Variants in TBL1XR1 observed in about 807,000 individuals in gnomAD.
TBL1XR1 encodes the protein F-box-like/WD repeat-containing protein TBL1XR1.
Under a neutral mutation model 66.9 loss-of-function variants are expected in TBL1XR1, and 5 were observed. That is an observed-to-expected ratio of 0.07 (90% CI 0.04 to 0.16). The LOEUF (loss-of-function observed/expected upper bound fraction) is 0.16. TBL1XR1 is among the 10% of genes least tolerant of loss of function. TBL1XR1 has a pLI of 1.00. For missense variants in TBL1XR1, 238 were observed against 623.2 expected, an observed-to-expected ratio of 0.38 and a Z score of 6.58; for synonymous variants, 210 against 206.0, an observed-to-expected ratio of 1.02 and a Z score of -0.17.
intron 10 of TBL1XR1, among the ~76,000 whole-genome samples, chr3:177,045,650 G>C (rs1247465468): frequency 6.6e-6 from 1 of 151,976 alleles, no homozygotes; most frequent in Non-Finnish European, 1.5e-5. Flanking sequence ...TCCAAAATGA[G>C]AAAATGACAA....
chr3:177,096,085 T>A (rs993504416), intron 2 of TBL1XR1, among the ~76,000 whole-genome samples: 2 of 152,120 alleles, frequency 1.3e-5, no homozygotes, highest in African/African-American at 4.8e-5. Flanking sequence ...CTGTATATAA[T>A]CCCACTAAGC....
chr3:177,063,157 A>G (rs1385785561), intron 3 of TBL1XR1, among the ~76,000 whole-genome samples: 1 of 152,150 alleles, frequency 6.6e-6, no homozygotes, highest in African/African-American at 2.4e-5. Context: ...TTTTGATAAT[A>G]TTTAATCTAC....
At chr3:177,095,258 G>A (rs1224865831) in intron 2 of TBL1XR1, among the ~76,000 whole-genome samples, 1 of 151,992 alleles carries the variant, frequency 6.6e-6, no homozygotes, top group African/African-American at 2.4e-5. Flanking sequence ...GAGGGCGGGT[G>A]CTGTTTAATG....
At chr3:177,110,883 AAT>A in intron 1 of TBL1XR1, 1 of 152,188 alleles carries the variant, frequency 6.6e-6, no homozygotes, top group Non-Finnish European at 1.5e-5. Flanking sequence ...AGAAGAGGAA[AAT>A]ATCTTTCAAA....
At chr3:177,112,088 T>TATATATATATAC (rs1725656379) in intron 1 of TBL1XR1, among the ~76,000 whole-genome samples, 1 of 51,394 alleles carries the variant, frequency 1.9e-5, no homozygotes, top group African/African-American at 1.4e-4. Context: ...TATATATATA[T>TATATATATATAC]ATATATATAT....
chr3:177,172,698 G>A (rs903082874), intron 1 of TBL1XR1, among the ~76,000 whole-genome samples: 1 of 138,210 alleles, frequency 7.2e-6, no homozygotes, highest in African/African-American at 2.6e-5. Flanking sequence ...GGGAGGGGAG[G>A]AGAGGGAAGA....
At chr3:177,100,456 C>A (rs930410959) in intron 1 of TBL1XR1, among the ~76,000 whole-genome samples, 4 of 151,750 alleles carry the variant, frequency 2.6e-5, no homozygotes, top group African/African-American at 9.7e-5. Context: ...CGGAGTCTCA[C>A]TCTGTCACCC....
At chr3:177,026,771 C>G (rs1179209358) in intron 14 of TBL1XR1, 1 of 265,056 alleles carries the variant, frequency 3.8e-6, no homozygotes, top group East Asian at 7.8e-5. Context: ...TAGAAGTAAA[C>G]AGTCAGTCTA....
intron 1 of TBL1XR1, among the ~76,000 whole-genome samples, chr3:177,137,961 C>T (rs1028921339): frequency 1.3e-5 from 2 of 152,146 alleles, no homozygotes; most frequent in African/African-American, 4.8e-5. Context: ...CAGAGCAAGA[C>T]CCTGTCTCAA....
intron 1 of TBL1XR1, among the ~76,000 whole-genome samples, chr3:177,190,351 T>C (rs1420766071): frequency 1.3e-5 from 2 of 152,102 alleles, no homozygotes; most frequent in Non-Finnish European, 2.9e-5. Flanking sequence ...TTGATGCTCT[T>C]GTTGACCAGG....
chr3:177,128,079 C>T (rs753893845), intron 1 of TBL1XR1, among the ~76,000 whole-genome samples: 2 of 151,864 alleles, frequency 1.3e-5, no homozygotes, highest in Non-Finnish European at 2.9e-5. Context: ...ATTAGTTGGG[C>T]GTGGTGGTGC....
At chr3:177,196,081 C>G (rs1158496572) in intron 1 of TBL1XR1, among the ~76,000 whole-genome samples, 4 of 152,244 alleles carry the variant, frequency 2.6e-5, no homozygotes, top group African/African-American at 9.6e-5. Context: ...ATTTTCACAA[C>G]CTAAATTTAA....
chr3:177,080,170 A>G (rs1348729213), intron 2 of TBL1XR1, among the ~76,000 whole-genome samples: 1 of 152,250 alleles, frequency 6.6e-6, no homozygotes, highest in Non-Finnish European at 1.5e-5. Context: ...ACAAAATTTT[A>G]AATTGCAAAA....
intron 1 of TBL1XR1, among the ~76,000 whole-genome samples, chr3:177,189,663 A>AAAAAAAAAAAAAAAAAAAAAAAAAAAG (rs1560282454): frequency 2.0e-5 from 1 of 49,440 alleles, no homozygotes; most frequent in Admixed American, 1.7e-4. Flanking sequence ...AAAAAAAAAA[A>AAAAAAAAAAAAAAAAAAAAAAAAAAAG]AAGAAGGATG....
chr3:177,147,820 A>C (rs1730432953), intron 1 of TBL1XR1, among the ~76,000 whole-genome samples: 1 of 152,168 alleles, frequency 6.6e-6, no homozygotes, highest in Non-Finnish European at 1.5e-5. Context: ...CCTCCCACAA[A>C]TAGGAGGTCC....
chr3:177,042,545 TAC>T (rs1715730764), intron 10 of TBL1XR1, among the ~76,000 whole-genome samples: 2 of 152,156 alleles, frequency 1.3e-5, no homozygotes, highest in South Asian at 2.1e-4. Context: ...CCTCATAAAA[TAC>T]AGTGCTTATA....
chr3:177,141,643 A>G (rs1161499507), intron 1 of TBL1XR1, among the ~76,000 whole-genome samples: 1 of 152,248 alleles, frequency 6.6e-6, no homozygotes, highest in African/African-American at 2.4e-5. Context: ...TTTACAGTGT[A>G]CATCTGTTCC....
At chr3:177,070,366 A>C (rs899044570) in intron 2 of TBL1XR1, among the ~76,000 whole-genome samples, 4 of 152,246 alleles carry the variant, frequency 2.6e-5, no homozygotes, top group Non-Finnish European at 2.9e-5. Flanking sequence ...ATATGTATGG[A>C]ATAACTGAAT....
At position 177,119,358 on chromosome 3, in the gene TBL1XR1, T is replaced by G. The variant is rs1726708653; in HGVS notation, c.-121-20817A>C. Reference sequence around the variant, plus strand: ...CCCTACCCAATTTGATCCTGGAACCTTTTCCACAACTTGTCATAAAATATG... The same window carrying G: ...CCCTACCCAATTTGATCCTGGAACCGTTTCCACAACTTGTCATAAAATATG... On this transcript the variant is annotated intron_variant, in intron 1 of 15. Coordinates refer to ENST00000457928, the MANE Select transcript of TBL1XR1 (RefSeq NM_024665.7). 3.3e-5 allele frequency among the ~76,000 whole-genome samples: 5 copies of G among 152,186 alleles called. No homozygotes were observed. In the South Asian group the frequency reaches 1.0e-3, roughly 32 times the overall value.
Sources: allele counts gnomAD v4.1 joint callset (sites outside exome capture counted in the v4.1 genomes callset), GRCh38; gene constraint gnomAD v4.1.1; transcripts MANE v1.5; gene names NCBI Gene and HGNC (gene_info 2026-07-23, HGNC 2026-07-21).